Variants in SMAD2 observed in about 807,000 individuals in gnomAD.
The protein encoded by SMAD2 is MAD homolog 2.
SMAD2 carries 8 observed loss-of-function variants against 64.4 expected under a neutral mutation model. The observed-to-expected ratio is 0.12, with a 90% CI of 0.07 to 0.22. The LOEUF is 0.22. Among genes scored for constraint, SMAD2 ranks in the 10% least tolerant of loss-of-function variants. The pLI, the probability that SMAD2 is intolerant of heterozygous loss-of-function variation, is 1.00. For synonymous variants in SMAD2, 203 were observed against 195.8 expected (o/e 1.04, Z -0.31); for missense variants, 289 against 561.2 (o/e 0.51, Z 4.90).
At chr18:47,887,901 C>T (rs753378538) in intron 2 of SMAD2, among the ~76,000 whole-genome samples, 2 of 152,160 alleles carry the variant, frequency 1.3e-5, no homozygotes, top group Non-Finnish European at 1.5e-5. Flanking sequence ...AATCTTTTCA[C>T]TATGGGGTCC....
chr18:47,909,252 G>A (rs1055333173), intron 1 of SMAD2, among the ~76,000 whole-genome samples: 1 of 152,108 alleles, frequency 6.6e-6, no homozygotes, highest in African/African-American at 2.4e-5. Context: ...AGAAAAAGCG[G>A]AGTCATTATA....
rs990454039 is a variant in SMAD2 at position 47,826,741 on chromosome 18, T to C, written c.*15086A>G. On this transcript the variant is annotated 3_prime_UTR_variant, in exon 11 of 11. Coordinates refer to ENST00000262160, the MANE Select transcript of SMAD2 (RefSeq NM_005901.6). ...TTGCTCCAATATGTTCTATGTGACA[T>C]TTCTGAGTTTAACATCACATTTACA... The C allele has an allele frequency of 6.6e-6, 1 of 152,242 alleles. No homozygotes were observed. Among genetic ancestry groups the C allele is most frequent in the East Asian group, 1.9e-4 (1 of 5,202 alleles). 9.4% of individuals were successfully genotyped at this position (152,242 alleles called of 1,614,324 possible).
intron 2 of SMAD2, among the ~76,000 whole-genome samples, chr18:47,884,799 T>C (rs926329429): frequency 1.3e-5 from 2 of 152,182 alleles, no homozygotes; most frequent in African/African-American, 2.4e-5. Context: ...ATCTTTGATA[T>C]AGTATAGCCT....
At chr18:47,867,465 C>T (rs1030742025) in intron 5 of SMAD2, 1 of 151,746 alleles carries the variant, frequency 6.6e-6, no homozygotes, top group African/African-American at 2.4e-5. Context: ...TTTGTAAATG[C>T]TCTTAAGTTC....
intron 6 of SMAD2, among the ~76,000 whole-genome samples, chr18:47,861,131 G>A (rs1432228571): frequency 6.6e-6 from 1 of 152,132 alleles, no homozygotes; most frequent in Non-Finnish European, 1.5e-5. Context: ...CGAGGCGGGT[G>A]GATCACCTGA....
chr18:47,856,164 C>G (rs1011246823), intron 6 of SMAD2, among the ~76,000 whole-genome samples: 1 of 150,528 alleles, frequency 6.6e-6, no homozygotes, highest in African/African-American at 2.4e-5. Flanking sequence ...AAGCCAAATA[C>G]ATAGAAACAT....
chr18:47,926,566 A>G (rs2034775152), intron 1 of SMAD2, among the ~76,000 whole-genome samples: 1 of 152,086 alleles, frequency 6.6e-6, no homozygotes, highest in South Asian at 2.1e-4. Flanking sequence ...CTTGTTTCTA[A>G]TCTAGTGCAG....
rs1242521070 is a variant in SMAD2, at chr18:47,839,246, T to A, written c.*2581A>T. 1 of 233,282 alleles carries A rather than the reference T, an allele frequency of 4.3e-6. No homozygotes were observed. Among genetic ancestry groups the A allele is most frequent in the East Asian group, 6.0e-5 (1 of 16,716 alleles). 14.5% of individuals were successfully genotyped at this position (233,282 alleles called of 1,614,324 possible). ...GCGCTCCACTACTGAAACAGCATAGTAGGCACTGCTTGACCTAACACAGTA... is the reference window on the plus strand; with the variant it reads ...GCGCTCCACTACTGAAACAGCATAGAAGGCACTGCTTGACCTAACACAGTA... On this transcript the variant is annotated 3_prime_UTR_variant, in exon 11 of 11. Transcript: ENST00000262160.
chr18:47,914,805 T>C (rs927819515), intron 1 of SMAD2, among the ~76,000 whole-genome samples: 4 of 152,178 alleles, frequency 2.6e-5, no homozygotes, highest in African/African-American at 9.6e-5. Context: ...TTTTCAGATG[T>C]GTAGTATTGC....
At chr18:47,846,378 T>TA (rs537982263) in intron 8 of SMAD2, among the ~76,000 whole-genome samples, 4 of 150,196 alleles carry the variant, frequency 2.7e-5, no homozygotes, top group East Asian at 1.9e-4. Context: ...ATATAAGAAT[T>TA]AAAAAAAAAA....
chr18:47,854,926 T>C (rs554825531), intron 6 of SMAD2, among the ~76,000 whole-genome samples: 5 of 152,316 alleles, frequency 3.3e-5, no homozygotes, highest in Admixed American at 2.6e-4. Context: ...TTTTGACAAA[T>C]GTATAATGAC....
At chr18:47,906,334 G>A (rs1272263872) in intron 1 of SMAD2, among the ~76,000 whole-genome samples, 1 of 152,006 alleles carries the variant, frequency 6.6e-6, no homozygotes, top group Non-Finnish European at 1.5e-5. Flanking sequence ...TTGGATAAGG[G>A]ATACTCAAAT....
Position 47,828,474 on chromosome 18 carries a change from G to A in SMAD2, c.*13353C>T, listed in dbSNP as rs28441495. The A allele has an allele frequency of 0.031, 5,195 of 167,094 alleles. 294 individuals carry two copies. The highest frequency in any genetic ancestry group is 0.12 in the African/African-American group (4,948 of 41,720). The allele number at this position is 167,094 out of a possible 1,614,324, so 10.4% of individuals were successfully genotyped here. A position where few individuals can be genotyped will look rare whatever the true frequency, so the allele number is the denominator to read the frequency against. ...GAGAGCGGGCCATGATGACGATGGC[G>A]GTTTTGTCGAATAGAAAAGGGGGAA... On this transcript the variant is annotated 3_prime_UTR_variant, in exon 11 of 11. Transcript: ENST00000262160.
Position 47,810,346 on chromosome 18 carries a change from G to C in SMAD2, c.*31481C>G. ...ACTTACCTCTCTCCCTCCTCCCACT[G>C]CACACTCACCATCCCCACTGTGCCT... is the stretch of plus-strand genomic sequence containing the variant. On this transcript the variant is annotated 3_prime_UTR_variant, in exon 11 of 11. Transcript: ENST00000262160. 6.6e-6 allele frequency: 1 copy of C among 152,308 alleles called. No homozygotes were observed. The allele number at this position is 152,308 out of a possible 1,614,324, so 9.4% of individuals were successfully genotyped here. A position where few individuals can be genotyped will look rare whatever the true frequency, so the allele number is the denominator to read the frequency against.
At chr18:47,845,247 G>T in intron 10 of SMAD2, 93 bp downstream of exon 10, 2 of 1,289,746 alleles carry the variant, frequency 1.6e-6, no homozygotes, top group Non-Finnish European at 1.1e-6. Context: ...TAACCTCATT[G>T]AAAATAGATA....
At chr18:47,908,437 A>G (rs1336693467) in intron 1 of SMAD2, among the ~76,000 whole-genome samples, 2 of 152,228 alleles carry the variant, frequency 1.3e-5, no homozygotes, top group Admixed American at 1.3e-4. Context: ...ACAATCTGAA[A>G]AAAACTCATA....
Position 47,827,240 on chromosome 18 carries a change from G to C in SMAD2, c.*14587C>G, listed in dbSNP as rs1912787107. 1 of 152,088 alleles carries C rather than the reference G, an allele frequency of 6.6e-6. No individual in the cohort carries two copies. Among genetic ancestry groups the C allele is most frequent in the Non-Finnish European group, 1.5e-5 (1 of 68,012 alleles). The allele number at this position is 152,088 out of a possible 1,614,324, so 9.4% of individuals were successfully genotyped here. A position where few individuals can be genotyped will look rare whatever the true frequency, so the allele number is the denominator to read the frequency against. Reference sequence around the variant, plus strand: ...GCTTCCTTCAAGTGTTCCATCCTTAGCATTCTTGTTAAAAATGGCCTTTAA... The same window carrying C: ...GCTTCCTTCAAGTGTTCCATCCTTACCATTCTTGTTAAAAATGGCCTTTAA... On this transcript the variant is annotated 3_prime_UTR_variant, in exon 11 of 11. Transcript: ENST00000262160.
chr18:47,911,452 G>A (rs1212880036), intron 1 of SMAD2, among the ~76,000 whole-genome samples: 1 of 152,044 alleles, frequency 6.6e-6, no homozygotes, highest in East Asian at 1.9e-4. Flanking sequence ...CTCAATTCAG[G>A]AGACTGGCCC....
chr18:47,912,616 G>C (rs1375620789), intron 1 of SMAD2: 2 of 152,212 alleles, frequency 1.3e-5, no homozygotes, highest in African/African-American at 4.8e-5. Flanking sequence ...AAGCAGAGCA[G>C]CCAATCTCTA....
Sources: allele counts gnomAD v4.1 joint callset (sites outside exome capture counted in the v4.1 genomes callset), GRCh38; gene constraint gnomAD v4.1.1; transcripts MANE v1.5; gene names NCBI Gene and HGNC (gene_info 2026-07-23, HGNC 2026-07-21).